CLEC20A: variants seen among roughly 807,000 people sequenced by gnomAD.
CLEC20A encodes the protein C-type lectin domain containing 20A.
chr1:178,480,970 C>G (rs974947963), intron 7 of CLEC20A: 18 of 152,004 alleles, frequency 1.2e-4, no homozygotes, highest in African/African-American at 4.4e-4. Context: ...CTTAACTTTT[C>G]TTGACCTAAT....
At chr1:178,496,952 G>T (rs2473829), upstream of CLEC20A, 2 of 400,038 alleles carry the variant, frequency 5.0e-6, no homozygotes, top group Non-Finnish European at 8.8e-6. Context: ...CTGGGCACTG[G>T]CTGGGCGATG....
At chr1:178,479,827 C>A in intron 7 of CLEC20A, 1 of 322,068 alleles carries the variant, frequency 3.1e-6, no homozygotes. Flanking sequence ...AATTTAATGA[C>A]AAAGAACACT....
At chr1:178,490,160 C>T in exon 4 of CLEC20A, 1 of 398,730 alleles carries the variant, frequency 2.5e-6, no homozygotes, top group Non-Finnish European at 4.4e-6. Context: ...GAGCTGTGCA[C>T]AGTCCTCTCA....
chr1:178,495,683 AGAAG>A (rs1339615904), intron 1 of CLEC20A, among the ~76,000 whole-genome samples: 5 of 152,084 alleles, frequency 3.3e-5, no homozygotes, highest in Admixed American at 2.0e-4. Flanking sequence ...AGGGAAGGAA[AGAAG>A]GAAGGAAGGA....
chr1:178,495,263 G>A (rs1183812854), intron 1 of CLEC20A, among the ~76,000 whole-genome samples: 2 of 152,210 alleles, frequency 1.3e-5, no homozygotes, highest in Admixed American at 6.5e-5. Flanking sequence ...TACAAATGAA[G>A]GAACCAAGTC....
At chr1:178,497,227 G>A (rs1649419872), upstream of CLEC20A, 5 of 361,104 alleles carry the variant, frequency 1.4e-5, no homozygotes, top group East Asian at 2.0e-4. Flanking sequence ...GAAGGCCCCA[G>A]AAGCACAAGT....
chr1:178,479,469 A>C, exon 8 of CLEC20A: 1 of 397,406 alleles, frequency 2.5e-6, no homozygotes, highest in Non-Finnish European at 4.4e-6. Flanking sequence ...GGGATTAAAA[A>C]ATTAAAATTT....
chr1:178,493,382 C>T (rs981269551), intron 2 of CLEC20A: 2 of 152,296 alleles, frequency 1.3e-5, no homozygotes, highest in Non-Finnish European at 2.9e-5. Flanking sequence ...GAGGTTGGTC[C>T]TCCATAACCC....
At chr1:178,480,296 A>T (rs941678708) in intron 7 of CLEC20A, 1 of 152,222 alleles carries the variant, frequency 6.6e-6, no homozygotes, top group African/African-American at 2.4e-5. Flanking sequence ...TAACATGGTC[A>T]TCCCATTTAT....
At chr1:178,491,330 C>A (rs538511383) in intron 3 of CLEC20A, among the ~76,000 whole-genome samples, 1 of 152,194 alleles carries the variant, frequency 6.6e-6, no homozygotes, top group Admixed American at 6.5e-5. Context: ...TTTGCTGAGT[C>A]GGGAGTCACA....
intron 4 of CLEC20A, among the ~76,000 whole-genome samples, chr1:178,488,971 G>T (rs575334617): frequency 1.1e-4 from 16 of 146,074 alleles, no homozygotes; most frequent in South Asian, 4.6e-4. Context: ...TCTTTGAGGT[G>T]GGGGGGGCGG....
chr1:178,479,921 A>G, intron 7 of CLEC20A: 1 of 188,482 alleles, frequency 5.3e-6, no homozygotes, highest in Non-Finnish European at 1.1e-5. Flanking sequence ...AAAAAAAAGA[A>G]AAAAAACAGA....
chr1:178,494,404 G>A (rs1221895076), intron 2 of CLEC20A, 50 bp downstream of exon 2: 1 of 399,704 alleles, frequency 2.5e-6, no homozygotes, highest in African/African-American at 2.1e-5. Flanking sequence ...GGGCAACAGA[G>A]TGAGGCCCCT....
chr1:178,490,720 C>T (rs1176197553), intron 3 of CLEC20A, among the ~76,000 whole-genome samples: 1 of 152,184 alleles, frequency 6.6e-6, no homozygotes, highest in Non-Finnish European at 1.5e-5. Context: ...GTCCTAATTT[C>T]TTCATCTATA....
At chr1:178,479,676 C>A (rs1572153353) in intron 7 of CLEC20A, 61 bp from the exon 8 acceptor site, 2 of 397,780 alleles carry the variant, frequency 5.0e-6, no homozygotes, top group East Asian at 7.1e-5. Flanking sequence ...GTCCTCTTAG[C>A]CCTAAACTAT....
At chr1:178,484,530 A>C (rs1649085450) in intron 5 of CLEC20A, 2 of 151,896 alleles carry the variant, frequency 1.3e-5, no homozygotes, top group Admixed American at 1.3e-4. Flanking sequence ...TAAAAAAAAA[A>C]AATTAGCCAG....
In CLEC20A at chr1:178,488,436, A is replaced by C. The variant is rs1338281610; in HGVS notation, c.928+65T>G. 4 of 398,514 alleles carry C rather than the reference A, an allele frequency of 1.0e-5. No individual in the cohort carries two copies. The Admixed American group carries it at 1.3e-4, about 13-fold the overall frequency. The allele number at this position is 398,514 out of a possible 1,614,324, so 24.7% of individuals were successfully genotyped here. ...CTAAGAGGGGCTTATGGGGCCTGCA[A>C]GCCAGCCTTGCCACTTCCCCAGACC... On this transcript the variant is annotated intron_variant, in intron 5 of 7. Coordinates refer to ENST00000623247, the Ensembl canonical transcript of CLEC20A.
chr1:178,485,521 A>G (rs1572156188), intron 5 of CLEC20A, among the ~76,000 whole-genome samples: 2 of 152,076 alleles, frequency 1.3e-5, no homozygotes, highest in African/African-American at 4.8e-5. Flanking sequence ...CCATTGTTAC[A>G]CCTTCTATCC....
At chr1:178,492,782 G>C (rs148476095) in intron 2 of CLEC20A, among the ~76,000 whole-genome samples, 1 of 152,174 alleles carries the variant, frequency 6.6e-6, no homozygotes, top group South Asian at 2.1e-4. Context: ...TAAGACAAGC[G>C]GAGTCCTTGC....
Sources: allele counts gnomAD v4.1 joint callset (sites outside exome capture counted in the v4.1 genomes callset), GRCh38; gene constraint gnomAD v4.1.1; transcripts MANE v1.5; gene names NCBI Gene and HGNC (gene_info 2026-07-23, HGNC 2026-07-21).